CNBD1: variants seen among roughly 807,000 people sequenced by gnomAD.
CNBD1 encodes cyclic nucleotide-binding domain-containing protein 1.
In CNBD1, 71 loss-of-function variants were observed where a neutral mutation model predicts 54.4. The observed-to-expected ratio is 1.30, with a 90% CI of 1.08 to 1.59. CNBD1 has a LOEUF of 1.59. Among genes scored for constraint, CNBD1 ranks in the 40% most tolerant of loss-of-function variants. The probability of loss-of-function intolerance (pLI) is 0.00; values close to 1 mark genes in which losing one functional copy is unlikely to be tolerated. For missense variants in CNBD1, 659 were observed against 518.0 expected (o/e 1.27, Z -2.64); for synonymous variants, 182 against 170.7 (o/e 1.07, Z -0.51).
intron 8 of CNBD1, among the ~76,000 whole-genome samples, chr8:87,323,703 C>G (rs937786633): frequency 3.0e-5 from 4 of 135,576 alleles, no homozygotes; most frequent in African/African-American, 1.1e-4. Flanking sequence ...AGATTTTGGA[C>G]TGAGACGATG....
intron 4 of CNBD1, among the ~76,000 whole-genome samples, chr8:86,998,641 G>T (rs1808930563): frequency 6.6e-6 from 1 of 152,172 alleles, no homozygotes; most frequent in Non-Finnish European, 1.5e-5. Flanking sequence ...GTGAATTCAT[G>T]AATACAGAAT....
At chr8:87,408,606 C>T (rs139974022) in intron 2 of CNBD1, among the ~76,000 whole-genome samples, 10 of 152,066 alleles carry the variant, frequency 6.6e-5, no homozygotes, top group African/African-American at 2.4e-4. Context: ...CTCAGTTTAT[C>T]GTGCTTCATT....
At chr8:87,052,030 T>G (rs1810321074) in intron 4 of CNBD1, among the ~76,000 whole-genome samples, 1 of 152,218 alleles carries the variant, frequency 6.6e-6, no homozygotes, top group South Asian at 2.1e-4. Flanking sequence ...GGCTTCTTTT[T>G]GTTGCCTGGG....
intron 4 of CNBD1, among the ~76,000 whole-genome samples, chr8:87,127,724 C>T (rs1812022204): frequency 6.6e-6 from 1 of 152,082 alleles, no homozygotes; most frequent in African/African-American, 2.4e-5. Context: ...TTCCTATATC[C>T]TGATATTAAT....
At chr8:86,967,802 T>G (rs1192535981) in intron 4 of CNBD1, among the ~76,000 whole-genome samples, 1 of 125,960 alleles carries the variant, frequency 7.9e-6, no homozygotes, top group East Asian at 2.2e-4. Flanking sequence ...GCTTGTTCAG[T>G]TTTTTTTTTT....
chr8:87,009,196 A>G (rs939229736), intron 4 of CNBD1, among the ~76,000 whole-genome samples: 3 of 152,064 alleles, frequency 2.0e-5, no homozygotes, highest in Admixed American at 6.5e-5. Flanking sequence ...ATAAGCTTAA[A>G]ATAGTTTAAT....
intron 10 of CNBD1, among the ~76,000 whole-genome samples, chr8:87,354,486 AT>A (rs1810380629): frequency 6.6e-6 from 1 of 151,840 alleles, no homozygotes; most frequent in Non-Finnish European, 1.5e-5. Flanking sequence ...TACATGTGCC[AT>A]GTTGGTGTGC....
chr8:86,887,360 T>A (rs767955156), intron 1 of CNBD1, among the ~76,000 whole-genome samples, 182 bp from the exon 2 acceptor site: 36 of 152,202 alleles, frequency 2.4e-4, no homozygotes, highest in Non-Finnish European at 4.6e-4. Flanking sequence ...CATTAAATTC[T>A]TTCCTCACCT....
chr8:87,328,170 T>G (rs888385373), intron 8 of CNBD1, among the ~76,000 whole-genome samples: 1 of 152,084 alleles, frequency 6.6e-6, no homozygotes, highest in African/African-American at 2.4e-5. Flanking sequence ...TGGTGTGTGA[T>G]GTTCCCTCCC....
At chr8:87,314,102 CA>C (rs1201294609) in intron 8 of CNBD1, among the ~76,000 whole-genome samples, 1 of 151,304 alleles carries the variant, frequency 6.6e-6, no homozygotes, top group Non-Finnish European at 1.5e-5. Flanking sequence ...TAGATGATGC[CA>C]ATGCTTTTTT....
At chr8:87,150,148 G>A (rs1812573896) in intron 4 of CNBD1, among the ~76,000 whole-genome samples, 1 of 152,084 alleles carries the variant, frequency 6.6e-6, no homozygotes, top group Admixed American at 6.5e-5. Flanking sequence ...CTGCACGCCA[G>A]CCTGGGTGAC....
chr8:86,970,463 A>G (rs1020756953), intron 4 of CNBD1, among the ~76,000 whole-genome samples: 1 of 151,364 alleles, frequency 6.6e-6, no homozygotes, highest in Non-Finnish European at 1.5e-5. Context: ...CTTTTTTTCA[A>G]TTTTTATTTT....
At chr8:86,979,944 ACTTAT>A (rs1808444467) in intron 4 of CNBD1, among the ~76,000 whole-genome samples, 1 of 152,196 alleles carries the variant, frequency 6.6e-6, no homozygotes, top group Non-Finnish European at 1.5e-5. Context: ...GAATTACTTT[ACTTAT>A]AATAAAGAAT....
intron 4 of CNBD1, among the ~76,000 whole-genome samples, chr8:87,200,017 G>A (rs1253345170): frequency 6.6e-6 from 1 of 151,846 alleles, no homozygotes; most frequent in African/African-American, 2.4e-5. Flanking sequence ...AATATGTACA[G>A]CTTTTTGTAT....
intron 4 of CNBD1, among the ~76,000 whole-genome samples, chr8:87,004,641 A>G (rs1484586384): frequency 6.6e-6 from 1 of 152,160 alleles, no homozygotes; most frequent in Admixed American, 6.5e-5. Flanking sequence ...CTGAGAATCA[A>G]TCCATATACT....
chr8:87,385,087 G>A (rs944734750), downstream of CNBD1, among the ~76,000 whole-genome samples: 2 of 152,160 alleles, frequency 1.3e-5, no homozygotes, highest in Admixed American at 6.6e-5. Context: ...GGACTGAAGT[G>A]AGATCATTTG....
intron 4 of CNBD1, among the ~76,000 whole-genome samples, chr8:87,059,236 C>T (rs1810492494): frequency 6.6e-6 from 1 of 152,194 alleles, no homozygotes; most frequent in Non-Finnish European, 1.5e-5. Context: ...CCAAACTTCC[C>T]CACAGCTTCC....
At chr8:87,185,792 C>G (rs1813462790) in intron 4 of CNBD1, among the ~76,000 whole-genome samples, 1 of 152,018 alleles carries the variant, frequency 6.6e-6, no homozygotes, top group Non-Finnish European at 1.5e-5. Flanking sequence ...CTCTGGTGCT[C>G]TCTCTCCCTC....
At chr8:87,151,332 A>C (rs1812599720) in intron 4 of CNBD1, among the ~76,000 whole-genome samples, 1 of 152,244 alleles carries the variant, frequency 6.6e-6, no homozygotes, top group Non-Finnish European at 1.5e-5. Flanking sequence ...TATGTTTATC[A>C]GTGAACAAAA....
Sources: gnomAD v4.1 joint callset for allele counts (sites outside exome capture counted in the v4.1 genomes callset) on GRCh38, gnomAD v4.1.1 for gene constraint, MANE v1.5 for transcripts, NCBI Gene and HGNC (gene_info 2026-07-23, HGNC 2026-07-21) for gene names.